Variants in ZNF33B observed in about 807,000 individuals in gnomAD.
ZNF33B encodes zinc finger protein 33B.
ZNF33B carries 29 observed loss-of-function variants against 45.8 expected under a neutral mutation model. The ratio of observed to expected loss-of-function variants is 0.63; its 90% CI spans 0.47 to 0.86. The LOEUF (loss-of-function observed/expected upper bound fraction) is 0.86. ZNF33B is among the 40% of genes least tolerant of loss of function. The pLI is 0.00. For missense variants in ZNF33B, 831 were observed against 909.9 expected (o/e 0.91, Z 1.12); for synonymous variants, 305 against 307.8 (o/e 0.99, Z 0.10).
At chr10:42,613,717 A>G (rs1482885911) in intron 4 of ZNF33B, among the ~76,000 whole-genome samples, 1 of 152,194 alleles carries the variant, frequency 6.6e-6, no homozygotes, top group African/African-American at 2.4e-5. Context: ...CTTAAGAGAG[A>G]TACAGATGGT....
intron 1 of ZNF33B, among the ~76,000 whole-genome samples, chr10:42,580,046 T>C (rs1428353058): frequency 3.3e-5 from 5 of 152,170 alleles, no homozygotes; most frequent in Admixed American, 6.5e-5. Flanking sequence ...ATTGGGCCTT[T>C]CTCCTGGTAG....
Position 42,594,067 on chromosome 10 carries a change from C to A in ZNF33B, c.883G>T (p.Gly295Trp). 6.2e-7 allele frequency: 1 copy of A among 1,614,022 alleles called. No homozygotes were observed. Among genetic ancestry groups the A allele is most frequent in the Non-Finnish European group, 8.5e-7 (1 of 1,179,934 alleles). ...CAATCATAGTGTTTCACAGGTACCC[C>A]ATCATGTTTAGAAAGGGTGGACTTC... ...CVKSTLSKHD[G>W]VPVKHYDCGE... The change falls in exon 5 of 5, where the codon GGG becomes TGG. Residue 295 changes from glycine to tryptophan, a missense_variant. Physicochemically the swap from Gly to Trp is radical, Grantham distance 184. Coordinates refer to ENST00000359467, the MANE Select transcript of ZNF33B (RefSeq NM_006955.3).
chr10:42,575,832 C>T (rs1836741501), intron 1 of ZNF33B, among the ~76,000 whole-genome samples: 1 of 151,010 alleles, frequency 6.6e-6, no homozygotes, highest in South Asian at 2.1e-4. Flanking sequence ...AGGGCTCAAG[C>T]GATTCTCGTG....
At chr10:42,601,675 C>T (rs1325494599) in intron 4 of ZNF33B, among the ~76,000 whole-genome samples, 4 of 151,464 alleles carry the variant, frequency 2.6e-5, no homozygotes, top group African/African-American at 7.3e-5. Flanking sequence ...GGTTTTGCCA[C>T]GTTCGCCAAG....
intron 4 of ZNF33B, among the ~76,000 whole-genome samples, chr10:42,630,423 G>C (rs1657958256): frequency 6.6e-6 from 1 of 152,092 alleles, no homozygotes; most frequent in African/African-American, 2.4e-5. Flanking sequence ...TTTAATTATA[G>C]TGTGAGTTTG....
intron 4 of ZNF33B, among the ~76,000 whole-genome samples, chr10:42,596,689 A>T (rs996769779): frequency 1.2e-4 from 18 of 152,034 alleles, no homozygotes; most frequent in African/African-American, 3.4e-4. Flanking sequence ...GTAAAAAAAA[A>T]TTTTTGATAC....
At chr10:42,586,188 C>CT (rs2132019764), downstream of ZNF33B, among the ~76,000 whole-genome samples, 1 of 134,400 alleles carries the variant, frequency 7.4e-6, no homozygotes, top group Admixed American at 8.5e-5. Context: ...GAGTCTCGCT[C>CT]TGTCATCCAG....
chr10:42,594,460 CTAAA>C lies in ZNF33B; in HGVS notation c.486_489del (p.Tyr162Ter), dbSNP rs1255683314. 1.5e-5 allele frequency: 25 copies of C among 1,613,390 alleles called. No homozygotes were observed. The highest frequency in any genetic ancestry group is 2.1e-5 in the Non-Finnish European group (25 of 1,179,794). ...GCATTAAATTCGTCAGACTTTTTTC[CTAAA>C]TAGTTTATCTTACTGATAACCAATT... On this transcript the variant is annotated frameshift_variant, in exon 5 of 5. Coordinates refer to ENST00000359467, the MANE Select transcript of ZNF33B (RefSeq NM_006955.3). LOFTEE classifies it low-confidence loss of function (END_TRUNC).
At chr10:42,636,579 T>C (rs1335946456) in intron 2 of ZNF33B, among the ~76,000 whole-genome samples, 1 of 152,214 alleles carries the variant, frequency 6.6e-6, no homozygotes, top group African/African-American at 2.4e-5. Context: ...CCCAACACTT[T>C]GGGAGGCCGA....
At chr10:42,610,907 T>A (rs1589046335) in intron 4 of ZNF33B, among the ~76,000 whole-genome samples, 1 of 152,194 alleles carries the variant, frequency 6.6e-6, no homozygotes, top group African/African-American at 2.4e-5. Context: ...GAAAATTTGC[T>A]ACAAAATTAC....
chr10:42,574,913 G>A (rs1162497132), intron 1 of ZNF33B, among the ~76,000 whole-genome samples: 2 of 152,102 alleles, frequency 1.3e-5, no homozygotes, highest in Non-Finnish European at 2.9e-5. Context: ...ATTCAAAAGG[G>A]AAAAGTGGTG....
At chr10:42,605,655 T>C (rs1446313853) in intron 4 of ZNF33B, among the ~76,000 whole-genome samples, 1 of 152,210 alleles carries the variant, frequency 6.6e-6, no homozygotes, top group Non-Finnish European at 1.5e-5. Flanking sequence ...TCCACAATTA[T>C]TGTGGGTAAA....
intron 1 of ZNF33B, among the ~76,000 whole-genome samples, chr10:42,580,914 T>TA (rs1217744931): frequency 6.6e-6 from 1 of 151,264 alleles, no homozygotes; most frequent in Non-Finnish European, 1.5e-5. Context: ...AATAAATAAA[T>TA]AATAAAATAA....
intron 4 of ZNF33B, among the ~76,000 whole-genome samples, chr10:42,604,221 G>C (rs1837746713): frequency 6.6e-6 from 1 of 151,656 alleles, no homozygotes; most frequent in Non-Finnish European, 1.5e-5. Flanking sequence ...GAGGCAGGTG[G>C]ATCACCTGAG....
chr10:42,629,877 G>T (rs185679448), intron 4 of ZNF33B, among the ~76,000 whole-genome samples: 2 of 152,240 alleles, frequency 1.3e-5, no homozygotes, highest in Admixed American at 6.5e-5. Context: ...ACATATGTAA[G>T]TTATCACAGT....
intron 4 of ZNF33B, among the ~76,000 whole-genome samples, chr10:42,620,549 A>G (rs2132124776): frequency 6.6e-6 from 1 of 150,598 alleles, no homozygotes; most frequent in East Asian, 2.0e-4. Flanking sequence ...ACCACAGCGC[A>G]CACCACCACA....
At chr10:42,623,248 C>T (rs1238398395) in intron 4 of ZNF33B, among the ~76,000 whole-genome samples, 4 of 152,196 alleles carry the variant, frequency 2.6e-5, no homozygotes, top group Non-Finnish European at 4.4e-5. Flanking sequence ...GCCTGGGTGA[C>T]GGTGAGACTC....
At chr10:42,629,681 G>A (rs1490622956) in intron 4 of ZNF33B, among the ~76,000 whole-genome samples, 1 of 152,008 alleles carries the variant, frequency 6.6e-6, no homozygotes, top group Admixed American at 6.6e-5. Context: ...TACATTTAAG[G>A]TAAATATTGC....
chr10:42,593,656 G>C lies in ZNF33B; in HGVS notation c.1294C>G (p.Gln432Glu). Residue 432 changes from glutamine (Q) to glutamate (E), a missense_variant, in exon 5 of 5, where the codon CAG (glutamine) becomes GAG (glutamate). By Grantham distance (29) the Gln-to-Glu change is conservative. Transcript: ENST00000359467. ...FYQKSDLTKH[Q>E]RTHTGQKPYE... Reference sequence around the variant, plus strand: ...GGTTTCTGCCCTGTGTGTGTTCTCTGATGTTTAGTGAGGTCAGATTTCTGG... The same window carrying C: ...GGTTTCTGCCCTGTGTGTGTTCTCTCATGTTTAGTGAGGTCAGATTTCTGG... 6.2e-7 allele frequency: 1 copy of C among 1,613,996 alleles called. No homozygotes were observed. The highest frequency in any genetic ancestry group is 8.5e-7 in the Non-Finnish European group (1 of 1,179,956).
Sources: gnomAD v4.1 joint callset for allele counts (sites outside exome capture counted in the v4.1 genomes callset) on GRCh38, gnomAD v4.1.1 for gene constraint, MANE v1.5 for transcripts, NCBI Gene and HGNC (gene_info 2026-07-23, HGNC 2026-07-21) for gene names.